EFCAB6: variants seen among roughly 807,000 people sequenced by gnomAD.
EFCAB6 encodes the protein EF-hand calcium-binding domain-containing protein 6.
A neutral mutation model predicts 169.8 loss-of-function variants in EFCAB6; 156 were observed. The observed-to-expected ratio is 0.92, with a 90% confidence interval of 0.81 to 1.05. The LOEUF (loss-of-function observed/expected upper bound fraction) is 1.05, where lower values mean the gene tolerates loss of function less well. EFCAB6 is among the 50% of genes least tolerant of loss of function. EFCAB6 has a pLI of 0.00. For missense variants in EFCAB6, 1,800 were observed against 1,829.1 expected, an observed-to-expected ratio of 0.98 and a Z score of 0.29; for synonymous variants, 698 against 676.4, an observed-to-expected ratio of 1.03 and a Z score of -0.50.
chr22:43,629,513 G>A (rs554541176), intron 19 of EFCAB6, among the ~76,000 whole-genome samples: 4 of 152,252 alleles, frequency 2.6e-5, no homozygotes, highest in African/African-American at 9.6e-5. Flanking sequence ...AATACAAATC[G>A]GTCATGTGCA....
intron 5 of EFCAB6, among the ~76,000 whole-genome samples, chr22:43,760,620 C>T (rs1159790176): frequency 2.6e-5 from 4 of 151,008 alleles, no homozygotes; most frequent in Non-Finnish European, 4.4e-5. Flanking sequence ...GTGGTTAGGC[C>T]TGAAGGTTCC....
At chr22:43,564,091 A>T (rs1428468467) in intron 26 of EFCAB6, among the ~76,000 whole-genome samples, 4 of 152,144 alleles carry the variant, frequency 2.6e-5, no homozygotes, top group Non-Finnish European at 4.4e-5. Context: ...AGTTAGAACT[A>T]CCCTGCCAGA....
rs1314666610 is a variant in EFCAB6 at position 43,618,198 on chromosome 22, GAAA to G, written c.2466-2279_2466-2277del. On this transcript the variant is annotated intron_variant, in intron 20 of 31. Coordinates refer to ENST00000262726, the MANE Select transcript of EFCAB6 (RefSeq NM_022785.4). ...AGAAAGAAAGAAAGAAAGAAAGAAA[GAAA>G]GAAAGAAAGAAAGAAAGAAAGAGAA... Among the ~76,000 whole-genome samples the G allele has an allele frequency of 7.0e-3, 1,023 of 146,630 alleles. 24 individuals are homozygous for G. Among genetic ancestry groups the G allele is most frequent in the Non-Finnish European group, 0.01 (689 of 66,284 alleles).
chr22:43,800,758 C>CA (rs1878455604), intron 2 of EFCAB6, among the ~76,000 whole-genome samples: 1 of 151,816 alleles, frequency 6.6e-6, no homozygotes, highest in Admixed American at 6.6e-5. Context: ...AACTTGAAGA[C>CA]AGACTATTTG....
rs2050653387 is a variant in EFCAB6, at chr22:43,580,555, C to T, written c.3137G>A (p.Ser1046Asn). Residue 1046 changes from serine to asparagine, a missense_variant, in exon 25 of 32, where the codon AGC becomes AAC. Physicochemically the swap from Ser to Asn is conservative, Grantham distance 46. Coordinates refer to ENST00000262726, the MANE Select transcript of EFCAB6 (RefSeq NM_022785.4). ...TGAQPKEKEESMPINFATLNP... is the reference protein window; with the variant it reads ...TGAQPKEKEENMPINFATLNP... ...CAGCGTTGCAAAATTGATTGGCATGCTCTCTTCTTTTTCCTTGGGCTGAGC... is the reference window on the plus strand; with the variant it reads ...CAGCGTTGCAAAATTGATTGGCATGTTCTCTTCTTTTTCCTTGGGCTGAGC... 3 of 1,614,192 alleles carry T rather than the reference C, an allele frequency of 1.9e-6. No individual in the cohort carries two copies. The highest frequency in any genetic ancestry group is 1.1e-5 in the South Asian group (1 of 91,082).
intron 6 of EFCAB6, among the ~76,000 whole-genome samples, chr22:43,754,462 G>A (rs1265419620): frequency 3.9e-5 from 6 of 152,144 alleles, no homozygotes; most frequent in East Asian, 3.8e-4. Context: ...TGGAACACAC[G>A]GCAGAAAAAA....
At chr22:43,757,920 T>C (rs147105338) in intron 5 of EFCAB6, among the ~76,000 whole-genome samples, 85 of 152,370 alleles carry the variant, frequency 5.6e-4, no homozygotes, top group African/African-American at 2.0e-3. Flanking sequence ...GGTATGTCTT[T>C]TTAAATCTTT....
At chr22:43,769,082 G>A (rs1053184543) in intron 4 of EFCAB6, among the ~76,000 whole-genome samples, 2 of 152,310 alleles carry the variant, frequency 1.3e-5, no homozygotes, top group East Asian at 1.9e-4. Flanking sequence ...AAGTCAAAAC[G>A]TGGAAACAAC....
At chr22:43,680,980 C>A (rs57455363) in intron 12 of EFCAB6, among the ~76,000 whole-genome samples, 1 of 152,076 alleles carries the variant, frequency 6.6e-6, no homozygotes, top group African/African-American at 2.4e-5. Context: ...TTGGACTGTC[C>A]AGAACTCTAG....
At chr22:43,727,920 A>T (rs527988263) in intron 8 of EFCAB6, among the ~76,000 whole-genome samples, 1 of 152,096 alleles carries the variant, frequency 6.6e-6, no homozygotes, top group Middle Eastern at 3.4e-3. Context: ...TTATACTTTA[A>T]GTTCTAGGAT....
At chr22:43,568,599 C>T (rs1393336119) in intron 26 of EFCAB6, among the ~76,000 whole-genome samples, 7 of 152,052 alleles carry the variant, frequency 4.6e-5, no homozygotes, top group Non-Finnish European at 1.0e-4. Context: ...GGGAATGAGG[C>T]GGGAGTGCTC....
intron 26 of EFCAB6, among the ~76,000 whole-genome samples, chr22:43,567,043 G>A (rs2049485322): frequency 6.6e-6 from 1 of 152,040 alleles, no homozygotes; most frequent in Admixed American, 6.5e-5. Flanking sequence ...CAAGCTTCCA[G>A]ACTCAGTGCA....
chr22:43,712,624 G>C (rs141588877), intron 9 of EFCAB6, among the ~76,000 whole-genome samples: 1 of 152,266 alleles, frequency 6.6e-6, no homozygotes, highest in African/African-American at 2.4e-5. Flanking sequence ...AGCTAAATTT[G>C]TCCATTTCTC....
chr22:43,751,174 C>A (rs2060746365), intron 6 of EFCAB6, among the ~76,000 whole-genome samples: 1 of 152,180 alleles, frequency 6.6e-6, no homozygotes, highest in Non-Finnish European at 1.5e-5. Context: ...TTCTTTAATT[C>A]TAGTCTTCAG....
intron 15 of EFCAB6, among the ~76,000 whole-genome samples, chr22:43,669,958 T>C (rs1353256237): frequency 6.6e-6 from 1 of 152,192 alleles, no homozygotes; most frequent in Non-Finnish European, 1.5e-5. Flanking sequence ...GTCCTCACTC[T>C]GACCACAAAT....
chr22:43,641,965 A>G (rs1169439736), intron 17 of EFCAB6, among the ~76,000 whole-genome samples: 1 of 151,970 alleles, frequency 6.6e-6, no homozygotes, highest in African/African-American at 2.4e-5. Context: ...TTTGAGATGG[A>G]GTTTCACTCT....
intron 2 of EFCAB6, among the ~76,000 whole-genome samples, chr22:43,791,409 A>G (rs2070894776): frequency 1.3e-5 from 2 of 151,904 alleles, no homozygotes; most frequent in South Asian, 4.2e-4. Flanking sequence ...CCAACATATC[A>G]TGTATATAAA....
intron 17 of EFCAB6, among the ~76,000 whole-genome samples, chr22:43,646,394 G>A (rs1480579887): frequency 6.6e-6 from 1 of 152,162 alleles, no homozygotes; most frequent in East Asian, 1.9e-4. Context: ...TGATTTTAAA[G>A]TCTATATGGT....
At position 43,772,993 on chromosome 22, in the gene EFCAB6, T is replaced by G. The variant is rs2061525215; in HGVS notation, c.250A>C (p.Thr84Pro). Residue 84 changes from threonine to proline, a missense_variant, in exon 4 of 32, where the codon ACT becomes CCT. Coordinates refer to ENST00000262726, the MANE Select transcript of EFCAB6 (RefSeq NM_022785.4). ...ELQKAFQLLD[T>P]GQNLTVSKSE... Reference sequence around the variant, plus strand: ...TTTGACACAGTCAAGTTCTGACCAGTATCCAGCAGCTGAAAGGCTTTTTGC... The same window carrying G: ...TTTGACACAGTCAAGTTCTGACCAGGATCCAGCAGCTGAAAGGCTTTTTGC... 2 of 1,614,256 alleles carry G rather than the reference T, an allele frequency of 1.2e-6. No individual in the cohort carries two copies.
Sources: allele counts gnomAD v4.1 joint callset (sites outside exome capture counted in the v4.1 genomes callset), GRCh38; gene constraint gnomAD v4.1.1; transcripts MANE v1.5; gene names NCBI Gene and HGNC (gene_info 2026-07-23, HGNC 2026-07-21).